Variants in PEX2 observed in about 807,000 individuals in gnomAD.
PEX2 encodes peroxisome biogenesis factor 2.
A neutral mutation model predicts 25.2 loss-of-function variants in PEX2; 19 were observed. That is an observed-to-expected ratio of 0.75 (90% CI 0.53 to 1.10). The LOEUF (loss-of-function observed/expected upper bound fraction) is 1.10, where lower values mean the gene tolerates loss of function less well. Among genes scored for constraint, PEX2 ranks in the 50% least tolerant of loss-of-function variants. The pLI is 0.00. For synonymous variants in PEX2, 141 were observed against 127.7 expected, an observed-to-expected ratio of 1.10 and a Z score of -0.70; for missense variants, 347 against 350.6, an observed-to-expected ratio of 0.99 and a Z score of 0.08.
At chr8:76,995,565 T>C (rs922241603) in intron 1 of PEX2, among the ~76,000 whole-genome samples, 23 of 151,972 alleles carry the variant, frequency 1.5e-4, no homozygotes, top group African/African-American at 5.3e-4. Context: ...TCTTACACAA[T>C]CAACTGAGTG....
chr8:76,983,044 T>C lies in PEX2; in HGVS notation c.*217A>G, dbSNP rs978369008. ...ATTATTCTTGACATTAAAAATTGAA[T>C]GCAATGATTTAAAAAACATAATACA... is the stretch of plus-strand genomic sequence containing the variant. On this transcript the variant is annotated 3_prime_UTR_variant, in exon 4 of 4. Transcript: ENST00000357039. 1 of 1,284,774 alleles carries C rather than the reference T, an allele frequency of 7.8e-7. No individual in the cohort carries two copies. Among genetic ancestry groups the C allele is most frequent in the African/African-American group, 1.5e-5 (1 of 66,642 alleles). The allele number at this position is 1,284,774 out of a possible 1,614,324, so 79.6% of individuals were successfully genotyped here.
Position 76,986,882 on chromosome 8 carries a change from G to A in PEX2, c.-127-586C>T, listed in dbSNP as rs1030197641. 5.3e-5 allele frequency among the ~76,000 whole-genome samples: 8 copies of A among 152,036 alleles called. No individual in the cohort carries two copies. In the East Asian group the frequency reaches 7.7e-4, roughly 15 times the overall value. ...TGAGCCTGTTGTGAAGATTATTTGAGCCTTATCACAGTTGAATCAGAACAA... is the reference window on the plus strand; with the variant it reads ...TGAGCCTGTTGTGAAGATTATTTGAACCTTATCACAGTTGAATCAGAACAA... On this transcript the variant is annotated intron_variant, in intron 2 of 3. Transcript: ENST00000357039.
chr8:76,994,787 G>A lies in PEX2; in HGVS notation c.-160+5203C>T, dbSNP rs192293976. Among the ~76,000 whole-genome samples the A allele has an allele frequency of 2.2e-3, 331 of 152,254 alleles. 1 individual carries two copies. Among genetic ancestry groups the A allele is most frequent in the Non-Finnish European group, 3.6e-3 (247 of 68,016 alleles). The stretch of plus-strand genomic sequence containing the variant: ...CATCTTAAATGTTCTGGCAATCAAA[G>A]TGGATGAGACCACGTTCATTGTTTT... On this transcript the variant is annotated intron_variant, in intron 1 of 3. Transcript: ENST00000357039.
In PEX2 at chr8:76,983,824, G is replaced by A. The variant is rs61752123; in HGVS notation, c.355C>T (p.Arg119Ter). Residue 119 changes from arginine to a stop codon, truncating the protein, a stop_gained, in exon 4 of 4, where the codon CGA (arginine) becomes TGA (stop). Coordinates refer to ENST00000357039, the MANE Select transcript of PEX2 (RefSeq NM_000318.3). LOFTEE classifies it high-confidence loss of function. ...TGGTTTCGAAACAAATCATAGCATC[G>A]TTCTTCTAACCACCTGCCACCAATT... is the stretch of plus-strand genomic sequence containing the variant. ...CTIGGRWLEE[R>*]CYDLFRNHHL... 7.4e-5 allele frequency: 120 copies of A among 1,614,056 alleles called. No homozygotes were observed. The highest frequency in any genetic ancestry group is 1.1e-4 in the East Asian group (5 of 44,874).
intron 2 of PEX2, chr8:76,986,667 G>A (rs560592328): frequency 3.3e-5 from 5 of 152,170 alleles, no homozygotes; most frequent in African/African-American, 1.2e-4. Context: ...GGAACAGTCC[G>A]TTTCCAATCT....
chr8:76,993,229 A>G (rs1037976458), intron 1 of PEX2, among the ~76,000 whole-genome samples: 2 of 152,210 alleles, frequency 1.3e-5, no homozygotes, highest in African/African-American at 4.8e-5. Flanking sequence ...ATTGAAGAGA[A>G]GAGACATAAT....
At chr8:76,984,224 A>G in intron 3 of PEX2, 29 bp from the exon 4 acceptor site, 2 of 1,580,056 alleles carry the variant, frequency 1.3e-6, no homozygotes, top group Non-Finnish European at 1.7e-6. Context: ...GAAGAACATT[A>G]GCAAAGAGTT....
At chr8:76,999,020 A>C (rs1325991675) in intron 1 of PEX2, among the ~76,000 whole-genome samples, 1 of 151,594 alleles carries the variant, frequency 6.6e-6, no homozygotes, top group African/African-American at 2.4e-5. Flanking sequence ...TAATTCTTTC[A>C]AATCTCTTTC....
At chr8:76,986,396 T>A (rs1180660957) in intron 2 of PEX2, 100 bp from the exon 3 acceptor site, 1 of 152,274 alleles carries the variant, frequency 6.6e-6, no homozygotes, top group Admixed American at 6.5e-5. Context: ...TCCAAAATTT[T>A]TCCTAACCCA....
In PEX2 at chr8:76,994,152, T is replaced by A. The variant is rs975069785; in HGVS notation, c.-159-5814A>T. 7.2e-5 allele frequency among the ~76,000 whole-genome samples: 11 copies of A among 152,306 alleles called. No individual in the cohort carries two copies. The South Asian group carries it at 2.1e-3, about 29-fold the overall frequency. ...TTCACAGAAAAAGACAACTAAAAAT[T>A]ATTTACTAAGAGCAGCAATATATAA... is the stretch of plus-strand genomic sequence containing the variant. On this transcript the variant is annotated intron_variant, in intron 1 of 3. Coordinates refer to ENST00000357039, the MANE Select transcript of PEX2 (RefSeq NM_000318.3).
At chr8:76,991,149 G>A (rs769823049) in intron 1 of PEX2, among the ~76,000 whole-genome samples, 5 of 152,168 alleles carry the variant, frequency 3.3e-5, no homozygotes, top group Non-Finnish European at 7.3e-5. Flanking sequence ...GATATTTAGT[G>A]AGAAACTGGT....
Position 76,983,519 on chromosome 8 carries a change from C to G in PEX2, c.660G>C (p.Leu220=). ...CAGTAAGAGGAATACACCATGAAGA[C>G]AGCTTGGCTTTCAACTTCTGGACAT... The part of the protein sequence containing the change: ...LINVQKLKAK[L]SSWCIPLTGA... Residue 220 remains leucine, a synonymous_variant, in exon 4 of 4, where the codon CTG becomes CTC. Transcript: ENST00000357039. 1 of 1,614,016 alleles carries G rather than the reference C, an allele frequency of 6.2e-7. No individual in the cohort carries two copies. Among genetic ancestry groups the G allele is most frequent in the Non-Finnish European group, 8.5e-7 (1 of 1,179,994 alleles).
intron 1 of PEX2, among the ~76,000 whole-genome samples, chr8:76,989,375 A>C (rs1002601269): frequency 6.6e-6 from 1 of 152,184 alleles, no homozygotes; most frequent in Non-Finnish European, 1.5e-5. Flanking sequence ...ACTTCTTACA[A>C]ACTCCTGTTC....
intron 1 of PEX2, among the ~76,000 whole-genome samples, chr8:76,991,421 G>A (rs1185725919): frequency 6.6e-6 from 1 of 151,938 alleles, no homozygotes; most frequent in African/African-American, 2.4e-5. Flanking sequence ...GAACAGCTGG[G>A]TTTGCTCTCC....
At position 76,989,179 on chromosome 8, in the gene PEX2, C is replaced by CA. The variant is rs149287959; in HGVS notation, c.-159-842dup. On this transcript the variant is annotated intron_variant, in intron 1 of 3. Coordinates refer to ENST00000357039, the MANE Select transcript of PEX2 (RefSeq NM_000318.3). ...GAGTGCCAGAGCATGACCTTCGTTTCAAAAAAAAAAAAAGAGGGGAAGCAA... is the reference window on the plus strand; with the variant it reads ...GAGTGCCAGAGCATGACCTTCGTTTCAAAAAAAAAAAAAAGAGGGGAAGCAA... 9.0e-3 allele frequency among the ~76,000 whole-genome samples: 1,180 copies of CA among 131,168 alleles called. 3 individuals are homozygous for CA. Among genetic ancestry groups the CA allele is most frequent in the Middle Eastern group, 0.016 (4 of 244 alleles). The allele number at this position is 131,168 out of a possible 152,430, so 86.1% of individuals were successfully genotyped here. A position where few individuals can be genotyped will look rare whatever the true frequency, so the allele number is the denominator to read the frequency against.
At chr8:76,984,747 G>A (rs952893236) in intron 3 of PEX2, among the ~76,000 whole-genome samples, 1 of 152,030 alleles carries the variant, frequency 6.6e-6, no homozygotes, top group Non-Finnish European at 1.5e-5. Flanking sequence ...TTTTATATGT[G>A]TAAAGGAAGT....
intron 1 of PEX2, among the ~76,000 whole-genome samples, chr8:76,996,556 T>C (rs760023878): frequency 1.3e-5 from 2 of 152,186 alleles, no homozygotes; most frequent in Non-Finnish European, 2.9e-5. Flanking sequence ...ACACATGAAA[T>C]GTATGAGCAG....
intron 2 of PEX2, among the ~76,000 whole-genome samples, chr8:76,986,930 GA>G (rs1209803946): frequency 2.6e-5 from 4 of 152,144 alleles, no homozygotes; most frequent in African/African-American, 9.7e-5. Flanking sequence ...CTGGTACACA[GA>G]AGGCACTCTA....
chr8:76,990,062 T>C (rs574507317), intron 1 of PEX2, among the ~76,000 whole-genome samples: 2 of 152,374 alleles, frequency 1.3e-5, no homozygotes, highest in South Asian at 2.1e-4. Flanking sequence ...CTAAAGCTTC[T>C]GGATAACTTG....
Sources: gnomAD v4.1 joint callset for allele counts (sites outside exome capture counted in the v4.1 genomes callset) on GRCh38, gnomAD v4.1.1 for gene constraint, MANE v1.5 for transcripts, NCBI Gene and HGNC (gene_info 2026-07-23, HGNC 2026-07-21) for gene names.